The following NCAM2 variants were observed in gnomAD, a reference collection of about 807,000 sequenced individuals.
The protein encoded by NCAM2 is N-CAM-2.
Under a neutral mutation model 98.1 loss-of-function variants are expected in NCAM2, and 30 were observed. The observed-to-expected ratio is 0.31, with a 90% CI of 0.23 to 0.41. NCAM2 has a LOEUF of 0.41. NCAM2 is among the 10% of genes least tolerant of loss of function. The pLI, the probability that NCAM2 is intolerant of heterozygous loss-of-function variation, is 1.00. For synonymous variants in NCAM2, 368 were observed against 342.4 expected, an observed-to-expected ratio of 1.07 and a Z score of -0.83; for missense variants, 867 against 1,005.8, an observed-to-expected ratio of 0.86 and a Z score of 1.87.
At chr21:21,245,996 C>T (rs1207570553) in intron 1 of NCAM2, among the ~76,000 whole-genome samples, 1 of 152,210 alleles carries the variant, frequency 6.6e-6, no homozygotes, top group African/African-American at 2.4e-5. Context: ...TAATTTCCTC[C>T]ACTTTGGTGT....
chr21:21,227,553 A>G (rs2070438457), intron 1 of NCAM2, among the ~76,000 whole-genome samples: 1 of 151,834 alleles, frequency 6.6e-6, no homozygotes, highest in Non-Finnish European at 1.5e-5. Flanking sequence ...TCCAAACAGC[A>G]TTTCATAGTT....
At chr21:21,356,946 G>A (rs892181502) in intron 8 of NCAM2, among the ~76,000 whole-genome samples, 9 of 151,646 alleles carry the variant, frequency 5.9e-5, no homozygotes, top group African/African-American at 9.7e-5. Context: ...CCAAGATCGC[G>A]CCATTGCACT....
chr21:21,154,756 A>G (rs1378546315), intron 1 of NCAM2, among the ~76,000 whole-genome samples: 1 of 151,870 alleles, frequency 6.6e-6, no homozygotes, highest in Non-Finnish European at 1.5e-5. Context: ...GTTTATATGC[A>G]TGTGTAGGAT....
At chr21:21,326,537 G>A (rs1448234512) in intron 6 of NCAM2, among the ~76,000 whole-genome samples, 3 of 152,100 alleles carry the variant, frequency 2.0e-5, no homozygotes, top group Non-Finnish European at 4.4e-5. Context: ...GTTTTTCAGA[G>A]AGACTTCTTT....
chr21:21,247,025 T>TAAA (rs34365790), intron 1 of NCAM2, among the ~76,000 whole-genome samples: 4 of 151,694 alleles, frequency 2.6e-5, no homozygotes, highest in South Asian at 2.1e-4. Flanking sequence ...TTAATATGTT[T>TAAA]AAAAAAAATT....
At chr21:21,400,272 T>C (rs1444200985) in intron 9 of NCAM2, among the ~76,000 whole-genome samples, 6 of 152,190 alleles carry the variant, frequency 3.9e-5, no homozygotes, top group African/African-American at 1.2e-4. Flanking sequence ...GAATAAATGT[T>C]CTAGGTCAGA....
intron 1 of NCAM2, among the ~76,000 whole-genome samples, chr21:21,010,733 C>CT (rs2064193913): frequency 6.6e-6 from 1 of 152,060 alleles, no homozygotes; most frequent in Non-Finnish European, 1.5e-5. Context: ...TTTAAAGTCT[C>CT]TAAGTCTCAG....
chr21:21,368,792 C>T (rs942691776), intron 8 of NCAM2, among the ~76,000 whole-genome samples: 1 of 151,794 alleles, frequency 6.6e-6, no homozygotes, highest in African/African-American at 2.4e-5. Flanking sequence ...TGAGGGGACC[C>T]AAACATTCAG....
At chr21:21,447,859 C>T (rs1345997355) in intron 12 of NCAM2, among the ~76,000 whole-genome samples, 1 of 151,866 alleles carries the variant, frequency 6.6e-6, no homozygotes, top group Non-Finnish European at 1.5e-5. Context: ...ATCTCACACT[C>T]GCCAGAATGT....
intron 6 of NCAM2, among the ~76,000 whole-genome samples, chr21:21,331,875 C>G (rs2074718939): frequency 6.7e-6 from 1 of 149,020 alleles, no homozygotes; most frequent in South Asian, 2.1e-4. Context: ...GTGTGAGCCA[C>G]CACACCTGGC....
intron 15 of NCAM2, among the ~76,000 whole-genome samples, chr21:21,483,736 G>A (rs1174585397): frequency 1.3e-5 from 2 of 152,008 alleles, no homozygotes; most frequent in Non-Finnish European, 2.9e-5. Context: ...ACCTGCAGCA[G>A]CATTTAGTTT....
rs748594575 is a variant in NCAM2, at chr21:21,331,509, C to CTATATATATATATATATATATA, written c.738-3995_738-3994insATATATATATATATATATATAT. On this transcript the variant is annotated intron_variant, in intron 6 of 17. Coordinates refer to ENST00000400546, the MANE Select transcript of NCAM2 (RefSeq NM_004540.5). ...CTGGTTAGTATATATACTCTATACTCTCTCTCTCTATATATATATATATAT... is the reference window on the plus strand; with the variant it reads ...CTGGTTAGTATATATACTCTATACTCTATATATATATATATATATATATCTCTCTCTATATATATATATATAT... Among the ~76,000 whole-genome samples the CTATATATATATATATATATATA allele has an allele frequency of 6.0e-4, 3 of 5,026 alleles. 1 individual carries two copies. The highest frequency in any genetic ancestry group is 1.3e-3 in the African/African-American group (2 of 1,548). 3.3% of individuals were successfully genotyped at this position (5,026 alleles called of 152,430 possible). A position where few individuals can be genotyped will look rare whatever the true frequency, so the allele number is the denominator to read the frequency against.
intron 1 of NCAM2, among the ~76,000 whole-genome samples, chr21:21,077,167 G>A (rs1045551674): frequency 1.3e-5 from 2 of 152,084 alleles, no homozygotes; most frequent in Admixed American, 1.3e-4. Context: ...TGGCAACATC[G>A]TTTAGATGAG....
intron 1 of NCAM2, among the ~76,000 whole-genome samples, chr21:21,113,668 A>G (rs1248445380): frequency 1.3e-5 from 2 of 152,208 alleles, no homozygotes; most frequent in Admixed American, 1.3e-4. Flanking sequence ...AATTCAGGGA[A>G]GTACTAGGAA....
intron 1 of NCAM2, chr21:21,223,650 T>C (rs1401179369): frequency 6.6e-6 from 1 of 152,142 alleles, no homozygotes; most frequent in Admixed American, 6.6e-5. Flanking sequence ...GAGTGCACCA[T>C]GCAATGTTAT....
At chr21:21,479,300 T>A (rs1985551308) in intron 15 of NCAM2, among the ~76,000 whole-genome samples, 1 of 151,958 alleles carries the variant, frequency 6.6e-6, no homozygotes, top group Non-Finnish European at 1.5e-5. Flanking sequence ...TAAGAAATTG[T>A]TGGCCGGGCG....
intron 1 of NCAM2, chr21:21,147,154 C>T: frequency 2.0e-6 from 2 of 981,250 alleles, no homozygotes; most frequent in Non-Finnish European, 2.4e-6. Context: ...AATCTCGCGC[C>T]CTGTCCCACA....
intron 1 of NCAM2, among the ~76,000 whole-genome samples, chr21:21,024,488 A>G (rs1953222449): frequency 6.6e-6 from 1 of 152,246 alleles, no homozygotes; most frequent in Non-Finnish European, 1.5e-5. Context: ...GAAATCCCTT[A>G]AAGGTATAAA....
At chr21:21,009,883 C>CTGTGTGTGTGTGTG (rs5842868) in intron 1 of NCAM2, among the ~76,000 whole-genome samples, 14,034 of 139,478 alleles carry the variant, frequency 0.1, 928 homozygotes, top group East Asian at 0.24. Context: ...CCTCTGATAG[C>CTGTGTGTGTGTGTG]TGTGTGTGTG....
Sources: allele counts gnomAD v4.1 joint callset (sites outside exome capture counted in the v4.1 genomes callset), GRCh38; gene constraint gnomAD v4.1.1; transcripts MANE v1.5; gene names NCBI Gene and HGNC (gene_info 2026-07-23, HGNC 2026-07-21).